The following IL1RAPL1 variants were observed in gnomAD, a reference collection of about 807,000 sequenced individuals.
The protein encoded by IL1RAPL1 is interleukin 1 receptor accessory protein like 1.
IL1RAPL1 carries 3 observed loss-of-function variants against 48.4 expected under a neutral mutation model. That is an observed-to-expected ratio of 0.06 (90% CI 0.03 to 0.16). The LOEUF (loss-of-function observed/expected upper bound fraction) is 0.16. Ranked by LOEUF, IL1RAPL1 falls within the 10% of genes least tolerant of loss-of-function variation. IL1RAPL1 has a pLI of 1.00. For missense variants in IL1RAPL1, 349 were observed against 530.6 expected, an observed-to-expected ratio of 0.66 and a Z score of 3.36; for synonymous variants, 185 against 187.7, an observed-to-expected ratio of 0.99 and a Z score of 0.12.
At chrX:29,504,765 A>T (rs761264365) in intron 5 of IL1RAPL1, among the ~76,000 whole-genome samples, 1 of 112,460 alleles carries the variant, frequency 8.9e-6, no homozygotes, top group South Asian at 3.7e-4. Context: ...GCATATGGGT[A>T]GGACTTGTTT....
At chrX:28,969,942 T>G (rs924406173) in intron 2 of IL1RAPL1, among the ~76,000 whole-genome samples, 1 of 111,353 alleles carries the variant, frequency 9.0e-6, no homozygotes, top group Non-Finnish European at 1.9e-5. Flanking sequence ...TATATGTTTC[T>G]AAACACATAT....
chrX:28,814,718 C>T (rs73630098), intron 2 of IL1RAPL1, among the ~76,000 whole-genome samples: 2,828 of 109,825 alleles, frequency 0.026, 83 homozygotes, highest in African/African-American at 0.088. Context: ...TACATGTTTG[C>T]AACTGTTTTC....
rs1306943793 is a variant in IL1RAPL1 at position 29,708,144 on chromosome X, A to G, written c.778+39640A>G. On this transcript the variant is annotated intron_variant, in intron 6 of 10. Transcript: ENST00000378993. ...TTTAAGTGACAAATAATAATTGTGTATATTTTTGAACTATAATGGGATGTT... is the reference window on the plus strand; with the variant it reads ...TTTAAGTGACAAATAATAATTGTGTGTATTTTTGAACTATAATGGGATGTT... Among the ~76,000 whole-genome samples, 4 of 110,811 alleles carry G rather than the reference A, an allele frequency of 3.6e-5. No individual in the cohort carries two copies. In the East Asian group the frequency reaches 1.1e-3, roughly 31 times the overall value.
intron 6 of IL1RAPL1, among the ~76,000 whole-genome samples, chrX:29,896,149 G>T (rs755451022): frequency 6.2e-5 from 7 of 112,167 alleles, no homozygotes; most frequent in Non-Finnish European, 1.3e-4. Context: ...ACGTCAGACT[G>T]CAGTTAGTAG....
chrX:29,462,441 T>G (rs2147734562), intron 5 of IL1RAPL1, among the ~76,000 whole-genome samples: 1 of 111,631 alleles, frequency 9.0e-6, no homozygotes, highest in East Asian at 2.8e-4. Flanking sequence ...TCCAAAAATC[T>G]TATGATTTTA....
At chrX:29,238,288 C>G (rs1219950015) in intron 2 of IL1RAPL1, among the ~76,000 whole-genome samples, 1 of 111,919 alleles carries the variant, frequency 8.9e-6, no homozygotes, top group Admixed American at 9.4e-5. Flanking sequence ...TAAATATCAC[C>G]TGGAATTGTT....
At chrX:29,867,477 A>G (rs746759140) in intron 6 of IL1RAPL1, among the ~76,000 whole-genome samples, 1 of 111,909 alleles carries the variant, frequency 8.9e-6, no homozygotes, top group African/African-American at 3.2e-5. Flanking sequence ...CCACTTGAGG[A>G]CACAGCATTC....
chrX:28,606,802 C>G (rs934667205), intron 1 of IL1RAPL1, among the ~76,000 whole-genome samples: 1 of 110,833 alleles, frequency 9.0e-6, no homozygotes, highest in East Asian at 2.8e-4. Flanking sequence ...AATGAACAAC[C>G]AATTTTCTTC....
chrX:28,653,521 C>G (rs1019095587), intron 1 of IL1RAPL1, among the ~76,000 whole-genome samples: 1 of 110,473 alleles, frequency 9.1e-6, no homozygotes, highest in South Asian at 3.9e-4. Context: ...TTGCAAACAC[C>G]ATTTTTACCA....
chrX:28,659,983 GT>G (rs2146908541), intron 1 of IL1RAPL1, among the ~76,000 whole-genome samples: 1 of 110,138 alleles, frequency 9.1e-6, no homozygotes, highest in East Asian at 2.9e-4. Flanking sequence ...TACTAGCATT[GT>G]TTTATCTTGA....
At chrX:29,544,768 T>A (rs1569335406) in intron 5 of IL1RAPL1, among the ~76,000 whole-genome samples, 1 of 109,810 alleles carries the variant, frequency 9.1e-6, no homozygotes, top group Non-Finnish European at 1.9e-5. Flanking sequence ...TGTGTTTGTG[T>A]GCATTTGTGT....
intron 5 of IL1RAPL1, among the ~76,000 whole-genome samples, chrX:29,588,138 G>T (rs1923244594): frequency 8.9e-6 from 1 of 112,301 alleles, no homozygotes; most frequent in Non-Finnish European, 1.9e-5. Flanking sequence ...GAAAGATACT[G>T]CCCTAGAGAC....
chrX:29,800,782 C>T (rs1929856142), intron 6 of IL1RAPL1, among the ~76,000 whole-genome samples: 2 of 94,551 alleles, frequency 2.1e-5, no homozygotes, highest in African/African-American at 3.9e-5. Flanking sequence ...GTCAGGAGTT[C>T]GAGACCAGCC....
chrX:29,840,244 G>T (rs1931109977), intron 6 of IL1RAPL1, among the ~76,000 whole-genome samples: 1 of 111,567 alleles, frequency 9.0e-6, no homozygotes, highest in African/African-American at 3.3e-5. Flanking sequence ...ATTAACGGAC[G>T]GATGTTCACA....
intron 6 of IL1RAPL1, among the ~76,000 whole-genome samples, chrX:29,744,757 C>A (rs1469309115): frequency 9.0e-6 from 1 of 111,542 alleles, no homozygotes; most frequent in Non-Finnish European, 1.9e-5. Flanking sequence ...AAAAATGAGT[C>A]GTTTTTTAAA....
At chrX:29,363,818 T>C (rs972219957) in intron 3 of IL1RAPL1, among the ~76,000 whole-genome samples, 2 of 106,736 alleles carry the variant, frequency 1.9e-5, no homozygotes, top group Non-Finnish European at 3.8e-5. Flanking sequence ...GGGATGGTGC[T>C]AACCATTCAT....
At chrX:29,767,980 T>G (rs1928956564) in intron 6 of IL1RAPL1, among the ~76,000 whole-genome samples, 1 of 111,893 alleles carries the variant, frequency 8.9e-6, no homozygotes, top group Non-Finnish European at 1.9e-5. Context: ...CCATTATGTT[T>G]ATCAAGTCTT....
At chrX:29,227,933 G>T (rs1298419558) in intron 2 of IL1RAPL1, among the ~76,000 whole-genome samples, 2 of 111,083 alleles carry the variant, frequency 1.8e-5, no homozygotes, top group Non-Finnish European at 3.8e-5. Flanking sequence ...GTAAGTGCCA[G>T]AGTTTTGGTT....
chrX:29,097,074 GA>G (rs2147460758), intron 2 of IL1RAPL1, among the ~76,000 whole-genome samples: 1 of 111,787 alleles, frequency 8.9e-6, no homozygotes, highest in Non-Finnish European at 1.9e-5. Flanking sequence ...TAGTCACTAA[GA>G]TCATCTTTAG....
Sources: gnomAD v4.1 joint callset for allele counts (sites outside exome capture counted in the v4.1 genomes callset) on GRCh38, gnomAD v4.1.1 for gene constraint, MANE v1.5 for transcripts, NCBI Gene and HGNC (gene_info 2026-07-23, HGNC 2026-07-21) for gene names.